Variants in ATP2A2 observed in about 807,000 individuals in gnomAD.
The protein encoded by ATP2A2 is ATPase sarcoplasmic/endoplasmic reticulum Ca2+ transporting 2.
ATP2A2 carries 14 observed loss-of-function variants against 109.3 expected under a neutral mutation model. The observed-to-expected ratio is 0.13, with a 90% CI of 0.08 to 0.20. The LOEUF is 0.20. ATP2A2 is among the 10% of genes least tolerant of loss of function. The probability of loss-of-function intolerance (pLI) is 1.00; values close to 1 mark genes in which losing one functional copy is unlikely to be tolerated. For synonymous variants in ATP2A2, 506 were observed against 490.9 expected (o/e 1.03, Z -0.41); for missense variants, 657 against 1,321.6 (o/e 0.50, Z 7.80).
upstream of ATP2A2, chr12:110,281,152 C>A (rs1481347805): frequency 2.7e-5 from 4 of 149,232 alleles, no homozygotes; most frequent in African/African-American, 4.9e-5. Flanking sequence ...GGGGCGGGGC[C>A]GCGCCGCCCG....
chr12:110,344,986 T>G lies in ATP2A2; in HGVS notation c.2607+15T>G, dbSNP rs1277129417. Reference sequence around the variant, plus strand: ...TCTACCAGCTGGTACTCAGTCACCTTTCTTTCTGTACCTTACATGAGAAGT... The same window carrying G: ...TCTACCAGCTGGTACTCAGTCACCTGTCTTTCTGTACCTTACATGAGAAGT... On this transcript the variant is annotated intron_variant, in intron 17 of 19. Transcript: ENST00000539276. The G allele has an allele frequency of 6.2e-7, 1 of 1,612,826 alleles. No individual in the cohort carries two copies. The highest frequency in any genetic ancestry group is 1.3e-5 in the African/African-American group (1 of 74,918).
intron 3 of ATP2A2, among the ~76,000 whole-genome samples, chr12:110,285,385 A>C (rs962488621): frequency 1.3e-5 from 2 of 152,154 alleles, no homozygotes; most frequent in East Asian, 3.8e-4. Context: ...TCTCTTCTTG[A>C]TTACCAACTT....
At chr12:110,319,280 A>C (rs1877006988) in intron 5 of ATP2A2, among the ~76,000 whole-genome samples, 1 of 150,876 alleles carries the variant, frequency 6.6e-6, no homozygotes, top group East Asian at 1.9e-4. Flanking sequence ...AATGCATTTA[A>C]TCATACTCTT....
At chr12:110,299,071 G>A (rs995871701) in intron 5 of ATP2A2, among the ~76,000 whole-genome samples, 1 of 151,846 alleles carries the variant, frequency 6.6e-6, no homozygotes, top group East Asian at 1.9e-4. Flanking sequence ...CTGGGCTCAA[G>A]TGATTCTCCC....
chr12:110,304,082 A>G (rs186722118), intron 5 of ATP2A2, among the ~76,000 whole-genome samples: 215 of 152,292 alleles, frequency 1.4e-3, no homozygotes, highest in Non-Finnish European at 2.4e-3. Flanking sequence ...AATGGAGTCA[A>G]TCTTGGTGAC....
intron 1 of ATP2A2, 98 bp from the exon 2 acceptor site, chr12:110,282,503 TAGC>T (rs1872238223): frequency 7.0e-7 from 1 of 1,437,238 alleles, no homozygotes; most frequent in African/African-American, 1.4e-5. Flanking sequence ...CTTAGAATTG[TAGC>T]AGTTCTTTTT....
At chr12:110,304,224 A>T (rs759564450) in intron 5 of ATP2A2, among the ~76,000 whole-genome samples, 3 of 152,252 alleles carry the variant, frequency 2.0e-5, no homozygotes, top group Non-Finnish European at 4.4e-5. Flanking sequence ...ATGAGTAATG[A>T]ATAGTGCTAT....
rs1464354184 is a variant in ATP2A2 at position 110,347,742 on chromosome 12, T to C, written c.*1272T>C. 9.1e-7 allele frequency: 1 copy of C among 1,097,236 alleles called. No homozygotes were observed. The highest frequency in any genetic ancestry group is 1.7e-5 in the African/African-American group (1 of 60,482). The allele number at this position is 1,097,236 out of a possible 1,614,324, so 68.0% of individuals were successfully genotyped here. On this transcript the variant is annotated 3_prime_UTR_variant, in exon 20 of 20. Coordinates refer to ENST00000539276, the MANE Select transcript of ATP2A2 (RefSeq NM_170665.4). ...CCAACAGTGTGTAAGTCATTAACAG[T>C]CCTAACTGTGGTGTTTTCCTCCAAT...
intron 16 of ATP2A2, among the ~76,000 whole-genome samples, chr12:110,344,199 A>G (rs1193344492): frequency 6.6e-6 from 1 of 151,994 alleles, no homozygotes; most frequent in East Asian, 1.9e-4. Context: ...AGCGGCCTTC[A>G]TGCTCCACTG....
chr12:110,338,040 C>T (rs1879006393), intron 11 of ATP2A2, among the ~76,000 whole-genome samples: 1 of 152,204 alleles, frequency 6.6e-6, no homozygotes. Flanking sequence ...CTCTTTGAAG[C>T]ACCTCTTCAC....
At chr12:110,341,745 C>T (rs1195709961) in intron 14 of ATP2A2, among the ~76,000 whole-genome samples, 3 of 152,000 alleles carry the variant, frequency 2.0e-5, no homozygotes, top group Admixed American at 2.0e-4. Context: ...TGGTGGTGGG[C>T]GCCTGTAATC....
At chr12:110,284,347 G>A (rs1371115099) in intron 3 of ATP2A2, among the ~76,000 whole-genome samples, 1 of 152,144 alleles carries the variant, frequency 6.6e-6, no homozygotes, top group Non-Finnish European at 1.5e-5. Context: ...GTTAAATAAT[G>A]GGGTCCGATA....
At chr12:110,314,544 A>G (rs1171184582) in intron 5 of ATP2A2, among the ~76,000 whole-genome samples, 2 of 152,140 alleles carry the variant, frequency 1.3e-5, no homozygotes, top group Non-Finnish European at 2.9e-5. Context: ...AAAATAGAGG[A>G]TGATTCATTT....
chr12:110,281,544 A>G lies in ATP2A2; in HGVS notation c.-246A>G, dbSNP rs923444356. The G allele has an allele frequency of 4.5e-6, 1 of 222,378 alleles. No individual in the cohort carries two copies. 13.8% of individuals were successfully genotyped at this position (222,378 alleles called of 1,614,324 possible). ...GGAGGCCCTCCCTTCTGGCGAGGGG[A>G]GGGAGGGTGGGTCAGGAGCCCCCAA... On this transcript the variant is annotated 5_prime_UTR_variant, in exon 1 of 20. Coordinates refer to ENST00000539276, the MANE Select transcript of ATP2A2 (RefSeq NM_170665.4).
chr12:110,335,348 CCTGTCACT>C (rs1878743089), intron 11 of ATP2A2, among the ~76,000 whole-genome samples: 1 of 152,192 alleles, frequency 6.6e-6, no homozygotes, highest in Non-Finnish European at 1.5e-5. Flanking sequence ...GGTCCCCCTG[CCTGTCACT>C]TGGCTCAGCT....
chr12:110,349,022 CTAGT>C lies in ATP2A2; in HGVS notation c.*2556_*2559del. The C allele has an allele frequency of 4.0e-5, 39 of 985,426 alleles. No individual in the cohort carries two copies. The highest frequency in any genetic ancestry group is 4.6e-5 in the Non-Finnish European group (38 of 829,964). The allele number at this position is 985,426 out of a possible 1,614,324, so 61.0% of individuals were successfully genotyped here. On this transcript the variant is annotated 3_prime_UTR_variant, in exon 20 of 20. Transcript: ENST00000539276. The stretch of plus-strand genomic sequence containing the variant: ...TGTGTGGCCTGCTGTCGCACAGCCC[CTAGT>C]TAGCTTCATGGTTTCTCAGCTTCAG...
chr12:110,348,213 T>G lies in ATP2A2; in HGVS notation c.*1743T>G. ...TAGTGAAAGCAAGTAACTGAACCAG[T>G]GAACTCTGGGTATCGATAGGTTCGT... On this transcript the variant is annotated 3_prime_UTR_variant, in exon 20 of 20. Transcript: ENST00000539276. The G allele has an allele frequency of 1.0e-6, 1 of 985,478 alleles. No homozygotes were observed. The highest frequency in any genetic ancestry group is 1.7e-5 in the African/African-American group (1 of 57,346). The allele number at this position is 985,478 out of a possible 1,614,324, so 61.0% of individuals were successfully genotyped here. A position where few individuals can be genotyped will look rare whatever the true frequency, so the allele number is the denominator to read the frequency against.
intron 5 of ATP2A2, among the ~76,000 whole-genome samples, chr12:110,307,717 T>C (rs767964757): frequency 5.3e-5 from 8 of 152,230 alleles, no homozygotes; most frequent in Non-Finnish European, 8.8e-5. Flanking sequence ...TGTGTGTGGA[T>C]TTAAGTTCCT....
intron 18 of ATP2A2, chr12:110,345,785 G>A (rs1879788576): frequency 1.6e-6 from 1 of 640,910 alleles, no homozygotes; most frequent in African/African-American, 1.8e-5. Flanking sequence ...CACTAAGATG[G>A]GGTCTGCTAT....
Sources: gnomAD v4.1 joint callset for allele counts (sites outside exome capture counted in the v4.1 genomes callset) on GRCh38, gnomAD v4.1.1 for gene constraint, MANE v1.5 for transcripts, NCBI Gene and HGNC (gene_info 2026-07-23, HGNC 2026-07-21) for gene names.